Variants in FSTL5 observed in about 807,000 individuals in gnomAD.
The protein encoded by FSTL5 is follistatin like 5.
FSTL5 carries 62 observed loss-of-function variants against 89.1 expected under a neutral mutation model. That is an observed-to-expected ratio of 0.70 (90% confidence interval 0.57 to 0.86). The LOEUF is 0.86. Among genes scored for constraint, FSTL5 ranks in the 40% least tolerant of loss-of-function variants. The pLI is 0.00. For synonymous variants in FSTL5, 383 were observed against 346.2 expected (o/e 1.11, Z -1.18); for missense variants, 1,057 against 1,001.6 (o/e 1.06, Z -0.75).
At chr4:161,552,947 C>T (rs1732265977) in intron 8 of FSTL5, among the ~76,000 whole-genome samples, 1 of 151,568 alleles carries the variant, frequency 6.6e-6, no homozygotes, top group Non-Finnish European at 1.5e-5. Flanking sequence ...CTAGGAAGTG[C>T]ACTCTATAAA....
At chr4:161,417,780 C>CGTTT (rs1430618683) in intron 15 of FSTL5, among the ~76,000 whole-genome samples, 1 of 152,164 alleles carries the variant, frequency 6.6e-6, no homozygotes, top group African/African-American at 2.4e-5. Context: ...CATACTTCCA[C>CGTTT]GTTTGTTTGT....
At chr4:161,890,576 T>C (rs1309989513) in intron 4 of FSTL5, among the ~76,000 whole-genome samples, 1 of 150,546 alleles carries the variant, frequency 6.6e-6, no homozygotes, top group Non-Finnish European at 1.5e-5. Context: ...TAACCCCAGC[T>C]ACTCAGGAGG....
chr4:162,161,598 C>T (rs1024518781), intron 1 of FSTL5, among the ~76,000 whole-genome samples: 2 of 151,694 alleles, frequency 1.3e-5, no homozygotes, highest in Non-Finnish European at 3.0e-5. Flanking sequence ...TTAAAGAATT[C>T]CAGATATTGG....
rs144829884 is a variant in FSTL5 at position 161,652,155 on chromosome 4, G to A, written c.894+4173C>T. On this transcript the variant is annotated intron_variant, in intron 7 of 15. Transcript: ENST00000306100. ...GTATCTCTTTTATCATCAATTTTCA[G>A]GCTGGACATGGTGAATCATGCCTGT... 4.8e-3 allele frequency among the ~76,000 whole-genome samples: 736 copies of A among 152,164 alleles called. 5 individuals are homozygous for A. Among genetic ancestry groups the A allele is most frequent in the African/African-American group, 0.017 (711 of 41,530 alleles).
intron 3 of FSTL5, among the ~76,000 whole-genome samples, chr4:161,988,388 G>A (rs1285207327): frequency 6.6e-6 from 1 of 152,014 alleles, no homozygotes; most frequent in East Asian, 1.9e-4. Context: ...CTACAGCAAA[G>A]GAGAATACGT....
chr4:162,065,982 T>C (rs1451973413), intron 2 of FSTL5, among the ~76,000 whole-genome samples: 1 of 152,074 alleles, frequency 6.6e-6, no homozygotes, highest in Non-Finnish European at 1.5e-5. Context: ...TGAATATGTA[T>C]ATATAAAGTA....
At chr4:161,390,022 T>G (rs929606692) in intron 15 of FSTL5, among the ~76,000 whole-genome samples, 2 of 152,182 alleles carry the variant, frequency 1.3e-5, no homozygotes, top group African/African-American at 4.8e-5. Context: ...AACACATGTT[T>G]TTATTCTTGC....
intron 4 of FSTL5, among the ~76,000 whole-genome samples, chr4:161,852,854 G>A (rs184328174): frequency 3.9e-4 from 59 of 152,222 alleles, no homozygotes; most frequent in African/African-American, 1.4e-3. Flanking sequence ...CGTGGGAGGA[G>A]GGAGAGCATC....
intron 1 of FSTL5, among the ~76,000 whole-genome samples, chr4:162,129,710 C>G (rs1471850624): frequency 1.3e-5 from 2 of 152,180 alleles, no homozygotes; most frequent in Non-Finnish European, 2.9e-5. Flanking sequence ...TCAAATTTGT[C>G]TTACACAATA....
intron 6 of FSTL5, among the ~76,000 whole-genome samples, chr4:161,671,811 A>G (rs937618182): frequency 6.6e-6 from 1 of 152,134 alleles, no homozygotes; most frequent in Non-Finnish European, 1.5e-5. Context: ...GTCCAAATGG[A>G]ATTTCTAGTC....
intron 4 of FSTL5, among the ~76,000 whole-genome samples, chr4:161,902,734 A>G (rs982952151): frequency 3.9e-5 from 6 of 152,080 alleles, no homozygotes; most frequent in Non-Finnish European, 7.4e-5. Context: ...CTGTAATCCC[A>G]GCTACTCGGG....
At chr4:161,416,872 T>C (rs1049803167) in intron 15 of FSTL5, among the ~76,000 whole-genome samples, 2 of 151,700 alleles carry the variant, frequency 1.3e-5, no homozygotes, top group African/African-American at 4.8e-5. Context: ...GAAAGATTCT[T>C]CATGAAACCA....
At chr4:162,148,004 TC>T (rs1402450761) in intron 1 of FSTL5, among the ~76,000 whole-genome samples, 4 of 151,942 alleles carry the variant, frequency 2.6e-5, no homozygotes, top group African/African-American at 9.7e-5. Flanking sequence ...AAACTCTGCC[TC>T]CAAAAAAACA....
At chr4:161,860,500 G>A (rs1273808466) in intron 4 of FSTL5, among the ~76,000 whole-genome samples, 3 of 152,072 alleles carry the variant, frequency 2.0e-5, no homozygotes, top group Non-Finnish European at 4.4e-5. Flanking sequence ...CTGCTTCCAG[G>A]GTCGAGAAAA....
chr4:161,663,544 T>C (rs1389079773), intron 6 of FSTL5, among the ~76,000 whole-genome samples: 1 of 152,138 alleles, frequency 6.6e-6, no homozygotes, highest in Non-Finnish European at 1.5e-5. Context: ...AGAAGTGGGA[T>C]CCCATGGTCT....
chr4:161,874,968 G>C (rs1008677536), intron 4 of FSTL5, among the ~76,000 whole-genome samples: 13 of 151,938 alleles, frequency 8.6e-5, no homozygotes, highest in African/African-American at 2.7e-4. Context: ...ATAAATTCTA[G>C]AGTTTCTATG....
At position 161,385,381 on chromosome 4, in the gene FSTL5, A is replaced by G. The variant is rs981270926; in HGVS notation, c.*366T>C. 31 of 177,860 alleles carry G rather than the reference A, an allele frequency of 1.7e-4. No homozygotes were observed. Among genetic ancestry groups the G allele is most frequent in the Admixed American group, 1.1e-3 (19 of 18,034 alleles). The allele number at this position is 177,860 out of a possible 1,614,324, so 11.0% of individuals were successfully genotyped here. A position where few individuals can be genotyped will look rare whatever the true frequency, so the allele number is the denominator to read the frequency against. On this transcript the variant is annotated 3_prime_UTR_variant, in exon 16 of 16. Coordinates refer to ENST00000306100, the MANE Select transcript of FSTL5 (RefSeq NM_020116.5). The stretch of plus-strand genomic sequence containing the variant: ...TTTCTTGTTTAATCATACCAAAAGG[A>G]CAGAGAAAAAAAATAAACTACCCTC...
chr4:161,724,500 G>A (rs1015915585), intron 6 of FSTL5, among the ~76,000 whole-genome samples: 2 of 152,270 alleles, frequency 1.3e-5, no homozygotes, highest in Middle Eastern at 3.4e-3. Context: ...TATATAATAT[G>A]AAGAAATAAA....
chr4:161,728,467 G>A (rs1739497529), intron 6 of FSTL5, among the ~76,000 whole-genome samples: 1 of 152,056 alleles, frequency 6.6e-6, no homozygotes, highest in South Asian at 2.1e-4. Flanking sequence ...ACTTAATAAA[G>A]GAACTAAGGA....
Sources: allele counts gnomAD v4.1 joint callset (sites outside exome capture counted in the v4.1 genomes callset), GRCh38; gene constraint gnomAD v4.1.1; transcripts MANE v1.5; gene names NCBI Gene and HGNC (gene_info 2026-07-23, HGNC 2026-07-21).